DRC4: variants seen among roughly 807,000 people sequenced by gnomAD.
DRC4 encodes GAS-11.
chr16:90,036,097 C>T, the DRC4 span: 20 of 588,448 alleles, frequency 3.4e-5, no homozygotes, highest in Non-Finnish European at 5.7e-5. Flanking sequence ...GGTTACTGCT[C>T]ACTGGGGTCA....
the DRC4 span, chr16:90,032,798 C>G: frequency 6.2e-7 from 1 of 1,613,964 alleles, no homozygotes; most frequent in Non-Finnish European, 8.5e-7. Context: ...GCACTGTAGT[C>G]ATGAAGCTGG....
the DRC4 span, chr16:90,035,953 A>T: frequency 7.2e-7 from 1 of 1,380,236 alleles, no homozygotes; most frequent in East Asian, 2.6e-5. Flanking sequence ...AGCAGGTGGT[A>T]GCTATTCAGT....
the DRC4 span, chr16:90,035,982 A>T: frequency 2.6e-6 from 3 of 1,162,088 alleles, no homozygotes; most frequent in South Asian, 1.7e-5. Context: ...CAGCCTTCTT[A>T]AAATAGTCTT....
At chr16:90,034,012 G>T in the DRC4 span, among the ~76,000 whole-genome samples, 3 of 151,944 alleles carry the variant, frequency 2.0e-5, no homozygotes, top group Admixed American at 6.6e-5. Flanking sequence ...GTCAGAGCTC[G>T]TCCGCCTCGA....
the DRC4 span, chr16:90,040,111 C>T: frequency 6.1e-5 from 38 of 625,594 alleles, no homozygotes; most frequent in Non-Finnish European, 8.3e-5. Flanking sequence ...CCTTCCACTG[C>T]GTGGATGGCT....
the DRC4 span, among the ~76,000 whole-genome samples, chr16:90,023,306 CCT>C: frequency 6.6e-6 from 1 of 152,192 alleles, no homozygotes; most frequent in Non-Finnish European, 1.5e-5. Flanking sequence ...CCTTGGAAAG[CCT>C]GGCAGGAGTC....
chr16:90,020,758 C>G, the DRC4 span: 1 of 152,182 alleles, frequency 6.6e-6, no homozygotes, highest in African/African-American at 2.4e-5. Flanking sequence ...AAATGAGTAC[C>G]CTGTCTAGGC....
the DRC4 span, chr16:90,019,781 G>C: frequency 1.4e-6 from 1 of 691,212 alleles, no homozygotes; most frequent in Non-Finnish European, 2.6e-6. The surrounding 1 kb of genome is among the most constrained non-coding windows in gnomAD (Gnocchi z 6.1). Flanking sequence ...ACTTGCGTGT[G>C]GGGCGCCGAC....
chr16:90,036,017 G>A, the DRC4 span: 1 of 973,160 alleles, frequency 1.0e-6, no homozygotes, highest in East Asian at 3.0e-5. Flanking sequence ...GTCTGAGAAG[G>A]CTCCAATTTC....
At chr16:90,032,289 A>C in the DRC4 span, among the ~76,000 whole-genome samples, 1 of 151,130 alleles carries the variant, frequency 6.6e-6, no homozygotes, top group Admixed American at 6.6e-5. Context: ...AGGTATGGAC[A>C]GGTGAGGAGG....
the DRC4 span, chr16:90,040,201 CG>C: frequency 4.7e-5 from 54 of 1,158,134 alleles, no homozygotes; most frequent in Non-Finnish European, 6.4e-5. Context: ...TGGGAGGCAG[CG>C]TGTTCCAGGC....
At chr16:90,022,978 G>A in the DRC4 span, among the ~76,000 whole-genome samples, 1 of 152,178 alleles carries the variant, frequency 6.6e-6, no homozygotes, top group South Asian at 2.1e-4. Flanking sequence ...GTCATAGAAC[G>A]CCCAGGGCCC....
the DRC4 span, chr16:90,022,574 C>T: frequency 3.2e-6 from 3 of 923,520 alleles, no homozygotes; most frequent in Non-Finnish European, 3.0e-6. Flanking sequence ...GACGCACTCC[C>T]GCCTTTGGCA....
At chr16:90,021,758 T>A in the DRC4 span, among the ~76,000 whole-genome samples, 3 of 150,126 alleles carry the variant, frequency 2.0e-5, no homozygotes, top group African/African-American at 7.4e-5. Context: ...AGTCCTGGCT[T>A]CTCAGGAGGC....
At chr16:90,044,145 G>A in the DRC4 span, 2 of 455,580 alleles carry the variant, frequency 4.4e-6, no homozygotes, top group Non-Finnish European at 8.8e-6. Flanking sequence ...CCACAGCCCA[G>A]TAAGTCAGGC....
the DRC4 span, among the ~76,000 whole-genome samples, chr16:90,038,926 G>T: frequency 1.3e-5 from 2 of 152,214 alleles, no homozygotes; most frequent in Non-Finnish European, 2.9e-5. Flanking sequence ...ATCTTGAGCC[G>T]CAGTTATATG....
the DRC4 span, among the ~76,000 whole-genome samples, chr16:90,028,485 G>C: frequency 1.3e-5 from 2 of 152,130 alleles, no homozygotes; most frequent in African/African-American, 4.8e-5. Flanking sequence ...ACCACGCCTG[G>C]CCAGTCATTC....
chr16:90,037,392 T>C, the DRC4 span: 1 of 1,611,752 alleles, frequency 6.2e-7, no homozygotes, highest in South Asian at 1.1e-5. Context: ...GACAAGCAGA[T>C]CCTGCTTGTG....
the DRC4 span, among the ~76,000 whole-genome samples, chr16:90,028,410 G>C: frequency 6.6e-6 from 1 of 151,062 alleles, no homozygotes; most frequent in Admixed American, 6.6e-5. Context: ...GGATGGTCTC[G>C]ATCTCCTGAC....
Sources: gnomAD v4.1 joint callset for allele counts (sites outside exome capture counted in the v4.1 genomes callset) on GRCh38, gnomAD v4.1.1 for gene constraint, Gnocchi (gnomAD v3.1) non-coding constraint, MANE v1.5 for transcripts, NCBI Gene and HGNC (gene_info 2026-07-23, HGNC 2026-07-21) for gene names.